Variants in ERI3 observed in about 807,000 individuals in gnomAD.
The protein encoded by ERI3 is ERI1 exoribonuclease 3.
Under a neutral mutation model 44.4 loss-of-function variants are expected in ERI3, and 18 were observed. That is an observed-to-expected ratio of 0.41 (90% confidence interval 0.28 to 0.60). The LOEUF is 0.60. Ranked by LOEUF, ERI3 falls within the 20% of genes least tolerant of loss-of-function variation. The probability of loss-of-function intolerance (pLI) is 0.36; values close to 1 mark genes in which losing one functional copy is unlikely to be tolerated. For synonymous variants in ERI3, 183 were observed against 164.8 expected (o/e 1.11, Z -0.84); for missense variants, 294 against 435.5 (o/e 0.68, Z 2.89).
chr1:44,352,823 G>A (rs766119420), intron 2 of ERI3, 27 bp downstream of exon 2: 1 of 1,613,702 alleles, frequency 6.2e-7, no homozygotes, highest in Admixed American at 1.7e-5. Context: ...AATAAAGCCA[G>A]ACTTGACCAT....
At chr1:44,316,947 C>A (rs1646100344) in intron 4 of ERI3, among the ~76,000 whole-genome samples, 1 of 152,164 alleles carries the variant, frequency 6.6e-6, no homozygotes, top group Admixed American at 6.5e-5. Context: ...TCCAGGCCGA[C>A]TCTCAACTGA....
chr1:44,292,643 C>A (rs566871712), intron 6 of ERI3, among the ~76,000 whole-genome samples: 2 of 152,192 alleles, frequency 1.3e-5, no homozygotes, highest in Admixed American at 1.3e-4. Context: ...AGCAAGTGTG[C>A]GTGCATGCAC....
chr1:44,283,938 T>C (rs1249718529), intron 7 of ERI3: 1 of 464,214 alleles, frequency 2.2e-6, no homozygotes, highest in Admixed American at 2.4e-5. Context: ...ATACCTAGCC[T>C]CACCCCCCTT....
chr1:44,232,544 T>C (rs1196816946), intron 8 of ERI3, among the ~76,000 whole-genome samples: 2 of 152,186 alleles, frequency 1.3e-5, no homozygotes, highest in East Asian at 1.9e-4. Context: ...AGACTTCTTC[T>C]TTCTTTCTGC....
At chr1:44,316,304 A>T (rs1646087050) in intron 4 of ERI3, among the ~76,000 whole-genome samples, 1 of 152,154 alleles carries the variant, frequency 6.6e-6, no homozygotes, top group Admixed American at 6.5e-5. Flanking sequence ...AAAGCAGGAG[A>T]GGTGAGAGGA....
At chr1:44,262,054 T>C (rs1644905190) in intron 7 of ERI3, among the ~76,000 whole-genome samples, 1 of 152,130 alleles carries the variant, frequency 6.6e-6, no homozygotes, top group Non-Finnish European at 1.5e-5. Flanking sequence ...GACAGTGCAA[T>C]CCAAGGCCCT....
At chr1:44,246,719 G>T (rs1644561776) in intron 8 of ERI3, among the ~76,000 whole-genome samples, 1 of 152,208 alleles carries the variant, frequency 6.6e-6, no homozygotes, top group African/African-American at 2.4e-5. Context: ...ACCCTGGGTG[G>T]CAAGCACCTA....
intron 7 of ERI3, chr1:44,284,157 CT>C: frequency 2.2e-6 from 1 of 444,948 alleles, no homozygotes; most frequent in East Asian, 7.1e-5. Flanking sequence ...GGATACTCTG[CT>C]AGGAAAGTAC....
chr1:44,302,988 C>T (rs1361570710), intron 6 of ERI3, among the ~76,000 whole-genome samples: 1 of 152,230 alleles, frequency 6.6e-6, no homozygotes, highest in Non-Finnish European at 1.5e-5. Context: ...GTGGTAAGGA[C>T]TAAATGACAT....
intron 6 of ERI3, among the ~76,000 whole-genome samples, chr1:44,300,055 G>A (rs1358413553): frequency 6.6e-6 from 1 of 152,130 alleles, no homozygotes; most frequent in Non-Finnish European, 1.5e-5. Context: ...GAGGTGATAA[G>A]ACTCTCATCC....
chr1:44,234,944 A>G lies in ERI3; in HGVS notation c.931+12995T>C, dbSNP rs114313394. 2.3e-3 allele frequency among the ~76,000 whole-genome samples: 348 copies of G among 152,178 alleles called. 3 individuals are homozygous for G. The highest frequency in any genetic ancestry group is 4.3e-3 in the Non-Finnish European group (294 of 68,004). ...TTAATGTAGCACAGTACCAATGTTAATTTTCTGGTACTGATAACTGTATTG... is the reference window on the plus strand; with the variant it reads ...TTAATGTAGCACAGTACCAATGTTAGTTTTCTGGTACTGATAACTGTATTG... On this transcript the variant is annotated intron_variant, in intron 8 of 8. Transcript: ENST00000372257.
At chr1:44,299,242 G>C (rs1297887494) in intron 6 of ERI3, among the ~76,000 whole-genome samples, 1 of 151,978 alleles carries the variant, frequency 6.6e-6, no homozygotes, top group Non-Finnish European at 1.5e-5. Context: ...GAGTACAGTG[G>C]CACAATCATG....
At chr1:44,223,233 G>A (rs923866241) in intron 8 of ERI3, among the ~76,000 whole-genome samples, 2 of 152,158 alleles carry the variant, frequency 1.3e-5, no homozygotes, top group Admixed American at 6.5e-5. Context: ...CATCCCCATG[G>A]TTTATGGGCC....
At chr1:44,295,867 C>T (rs1288747544) in intron 6 of ERI3, among the ~76,000 whole-genome samples, 1 of 152,198 alleles carries the variant, frequency 6.6e-6, no homozygotes, top group African/African-American at 2.4e-5. Flanking sequence ...TGTTCATCAG[C>T]TGAGCATTCA....
At chr1:44,324,055 A>G (rs1380001445) in intron 3 of ERI3, among the ~76,000 whole-genome samples, 1 of 152,250 alleles carries the variant, frequency 6.6e-6, no homozygotes, top group Non-Finnish European at 1.5e-5. Flanking sequence ...CCATGGCTGC[A>G]GTAACACAGA....
chr1:44,228,946 T>C lies in ERI3; in HGVS notation c.932-7306A>G, dbSNP rs536869828. Among the ~76,000 whole-genome samples, 1 of 152,150 alleles carries C rather than the reference T, an allele frequency of 6.6e-6. No individual in the cohort carries two copies. The highest frequency in any genetic ancestry group is 1.9e-4 in the East Asian group (1 of 5,174). The stretch of plus-strand genomic sequence containing the variant: ...CATGTCAACGTCATTCAAACCCCAA[T>C]ACAGAATGAGGACAGAAACCACGTT... On this transcript the variant is annotated intron_variant, in intron 8 of 8. Coordinates refer to ENST00000372257, the MANE Select transcript of ERI3 (RefSeq NM_024066.3). This position sits in a 1 kb window ranked among gnomAD's most constrained non-coding sequence, Gnocchi z 4.3.
Position 44,313,315 on chromosome 1 carries a change from T to C in ERI3, c.607-87A>G. 3.1e-6 allele frequency: 4 copies of C among 1,298,296 alleles called. No homozygotes were observed. The Admixed American group carries it at 7.3e-5, about 24-fold the overall frequency. 80.4% of individuals were successfully genotyped at this position (1,298,296 alleles called of 1,614,324 possible). A position where few individuals can be genotyped will look rare whatever the true frequency, so the allele number is the denominator to read the frequency against. Reference sequence around the variant, plus strand: ...CAGGACCCCTTCCTTTCTGTTTTTCTCCTTCTGTTGTAAAGGGCTCTGATC... The same window carrying C: ...CAGGACCCCTTCCTTTCTGTTTTTCCCCTTCTGTTGTAAAGGGCTCTGATC... On this transcript the variant is annotated intron_variant, in intron 4 of 8. Transcript: ENST00000372257.
chr1:44,349,093 G>C (rs1044451469), intron 2 of ERI3, among the ~76,000 whole-genome samples: 1 of 152,184 alleles, frequency 6.6e-6, no homozygotes, highest in African/African-American at 2.4e-5. Context: ...CTGCTCACTC[G>C]ATTTGCTTTA....
chr1:44,300,980 C>G (rs1645712949), intron 6 of ERI3, among the ~76,000 whole-genome samples: 2 of 151,992 alleles, frequency 1.3e-5, no homozygotes, highest in Admixed American at 1.3e-4. Flanking sequence ...ATGAATGGCC[C>G]TCTCTCATTA....
Sources: gnomAD v4.1 joint callset for allele counts (sites outside exome capture counted in the v4.1 genomes callset) on GRCh38, gnomAD v4.1.1 for gene constraint, Gnocchi (gnomAD v3.1) non-coding constraint, MANE v1.5 for transcripts, NCBI Gene and HGNC (gene_info 2026-07-23, HGNC 2026-07-21) for gene names.